The following NBEA variants were observed in gnomAD, a reference collection of about 807,000 sequenced individuals.
The protein encoded by NBEA is lysosomal-trafficking regulator 2.
A neutral mutation model predicts 343.4 loss-of-function variants in NBEA; 44 were observed. The ratio of observed to expected loss-of-function variants is 0.13; its 90% CI spans 0.10 to 0.16. NBEA has a LOEUF of 0.16. NBEA is among the 10% of genes least tolerant of loss of function. NBEA has a pLI of 1.00. For missense variants in NBEA, 2,555 were observed against 3,631.3 expected (o/e 0.70, Z 7.62); for synonymous variants, 1,175 against 1,238.7 (o/e 0.95, Z 1.08).
At chr13:35,561,962 A>T (rs1332307705) in intron 44 of NBEA, among the ~76,000 whole-genome samples, 1 of 152,162 alleles carries the variant, frequency 6.6e-6, no homozygotes, top group Non-Finnish European at 1.5e-5. Flanking sequence ...AATACAAAAA[A>T]TGGTAATTTT....
At chr13:34,992,440 G>A (rs1201630384) in intron 1 of NBEA, among the ~76,000 whole-genome samples, 1 of 150,974 alleles carries the variant, frequency 6.6e-6, no homozygotes, top group Non-Finnish European at 1.5e-5. Flanking sequence ...ATTTTTAGGA[G>A]AGATGGCATT....
intron 1 of NBEA, among the ~76,000 whole-genome samples, chr13:34,944,513 C>T (rs956037413): frequency 2.0e-5 from 3 of 152,012 alleles, no homozygotes; most frequent in African/African-American, 7.3e-5. Flanking sequence ...CTTTTTTGTA[C>T]CTTTCAAATA....
chr13:35,535,147 G>A (rs1262954847), intron 41 of NBEA, among the ~76,000 whole-genome samples: 1 of 152,000 alleles, frequency 6.6e-6, no homozygotes, highest in Non-Finnish European at 1.5e-5. Context: ...TGCCAGCAAG[G>A]GCCATTTACT....
At chr13:35,598,840 C>T (rs1245918232) in intron 47 of NBEA, among the ~76,000 whole-genome samples, 2 of 152,136 alleles carry the variant, frequency 1.3e-5, no homozygotes, top group Non-Finnish European at 2.9e-5. Context: ...CATCCTGAAC[C>T]TATGTCTTAT....
intron 49 of NBEA, among the ~76,000 whole-genome samples, chr13:35,635,242 C>T (rs1042962423): frequency 6.6e-6 from 1 of 152,072 alleles, no homozygotes; most frequent in Non-Finnish European, 1.5e-5. Flanking sequence ...ATTTCTGATT[C>T]TCTTTGATAT....
intron 41 of NBEA, among the ~76,000 whole-genome samples, chr13:35,484,661 A>C (rs2076248247): frequency 1.3e-5 from 2 of 152,128 alleles, no homozygotes; most frequent in Non-Finnish European, 2.9e-5. Context: ...AAGACAGAAA[A>C]AGAAAAAATA....
At chr13:34,945,167 A>G (rs1265039143) in intron 1 of NBEA, among the ~76,000 whole-genome samples, 1 of 152,180 alleles carries the variant, frequency 6.6e-6, no homozygotes, top group African/African-American at 2.4e-5. Flanking sequence ...TGTAACTGCA[A>G]TGATATTTGG....
At chr13:35,118,990 G>A (rs1366279460) in intron 16 of NBEA, among the ~76,000 whole-genome samples, 1 of 152,002 alleles carries the variant, frequency 6.6e-6, no homozygotes, top group Non-Finnish European at 1.5e-5. Context: ...ACAAACTGAT[G>A]TAGCAATATC....
chr13:35,126,154 G>T (rs555279653), intron 17 of NBEA, among the ~76,000 whole-genome samples: 1 of 152,222 alleles, frequency 6.6e-6, no homozygotes, highest in South Asian at 2.1e-4. Flanking sequence ...TTGTAATAGT[G>T]AGTCGCATGA....
In NBEA at chr13:35,173,590, C is replaced by T. The variant is rs779479863; in HGVS notation, c.4550C>T (p.Ser1517Leu). ...CAAAGTGTGACTGCTACAGCAGCTT[C>T]GAAGGTAAGTAAACTTTTTTTCTTG... Reference protein sequence around the residue: ...VPQSVTATAASKTPLENVPGN... With the variant: ...VPQSVTATAALKTPLENVPGN... Residue 1517 changes from serine to leucine, a missense_variant, in exon 27 of 59, where the codon TCG (serine) becomes TTG (leucine). Ser to Leu is a moderately radical substitution (Grantham distance 145, BLOSUM62 -2). Around this residue, in one of 21 missense-constraint regions of NBEA, gnomAD observed 168 missense variants for 193.0 expected, o/e 0.87. Transcript: ENST00000379939. 66 of 1,590,218 alleles carry T rather than the reference C, an allele frequency of 4.2e-5. No homozygotes were observed. The highest frequency in any genetic ancestry group is 3.2e-5 in the Non-Finnish European group (37 of 1,171,294).
intron 30 of NBEA, among the ~76,000 whole-genome samples, chr13:35,184,345 G>A (rs2071537101): frequency 6.6e-6 from 1 of 151,886 alleles, no homozygotes; most frequent in African/African-American, 2.4e-5. Context: ...GAGATCTCAG[G>A]AGAGTCACAG....
At chr13:35,277,347 C>T (rs1450666599) in intron 34 of NBEA, among the ~76,000 whole-genome samples, 1 of 151,940 alleles carries the variant, frequency 6.6e-6, no homozygotes, top group East Asian at 1.9e-4. Context: ...TTAGGCCGGG[C>T]GCGGTGGCTC....
In NBEA at chr13:35,198,939, C is replaced by G. The variant is rs2072821253; in HGVS notation, c.5366+2637C>G. On this transcript the variant is annotated intron_variant, in intron 31 of 58. Transcript: ENST00000379939. ...AAATGCTTTCACACAAATCACTAGG[C>G]CCTGCATACAACTTAGTTTCATGCT... 2.0e-5 allele frequency among the ~76,000 whole-genome samples: 3 copies of G among 151,748 alleles called. 1 individual carries two copies. The South Asian group carries it at 6.3e-4, about 32-fold the overall frequency.
chr13:34,992,737 A>T (rs1360045471), intron 1 of NBEA, among the ~76,000 whole-genome samples: 1 of 151,330 alleles, frequency 6.6e-6, no homozygotes, highest in Non-Finnish European at 1.5e-5. Flanking sequence ...CAGTGGCATG[A>T]TCTCAGCTCA....
intron 38 of NBEA, among the ~76,000 whole-genome samples, chr13:35,360,195 C>T (rs1050217701): frequency 6.6e-6 from 1 of 151,836 alleles, no homozygotes; most frequent in Non-Finnish European, 1.5e-5. Context: ...AAAAACTAGC[C>T]ATTAGAATAA....
At chr13:35,497,444 A>G (rs2076724866) in intron 41 of NBEA, among the ~76,000 whole-genome samples, 1 of 152,124 alleles carries the variant, frequency 6.6e-6, no homozygotes, top group Admixed American at 6.6e-5. Flanking sequence ...GCAGTAAGTT[A>G]GACTTTCTTT....
intron 30 of NBEA, among the ~76,000 whole-genome samples, chr13:35,191,999 CAGTA>C (rs2072234978): frequency 1.3e-5 from 2 of 152,054 alleles, no homozygotes; most frequent in Middle Eastern, 3.4e-3. Context: ...CAATGAAAAA[CAGTA>C]AGAAAAAGAG....
intron 36 of NBEA, among the ~76,000 whole-genome samples, chr13:35,341,992 C>T (rs889330166): frequency 6.6e-6 from 1 of 151,944 alleles, no homozygotes; most frequent in African/African-American, 2.4e-5. Context: ...AGTTGGTAAA[C>T]AAACTATGAT....
intron 23 of NBEA, among the ~76,000 whole-genome samples, chr13:35,163,657 C>G (rs1467645783): frequency 6.6e-6 from 1 of 151,552 alleles, no homozygotes; most frequent in Non-Finnish European, 1.5e-5. Context: ...TGACACCAAA[C>G]GAAAGCAGGG....
Sources: allele counts gnomAD v4.1 joint callset (sites outside exome capture counted in the v4.1 genomes callset), GRCh38; gene constraint gnomAD v4.1.1; regional missense constraint gnomAD v4.1.1; transcripts MANE v1.5; gene names NCBI Gene and HGNC (gene_info 2026-07-23, HGNC 2026-07-21).